ISY1: variants seen among roughly 807,000 people sequenced by gnomAD.
ISY1 encodes ISY1 spliceosome associated protein.
Under a neutral mutation model 54.4 loss-of-function variants are expected in ISY1, and 12 were observed. That is an observed-to-expected ratio of 0.22 (90% CI 0.14 to 0.36). ISY1 has a LOEUF of 0.36. Ranked by LOEUF, ISY1 falls within the 10% of genes least tolerant of loss-of-function variation. The probability of loss-of-function intolerance (pLI) is 1.00; values close to 1 mark genes in which losing one functional copy is unlikely to be tolerated. For missense variants in ISY1, 282 were observed against 342.2 expected (o/e 0.82, Z 1.39); for synonymous variants, 96 against 117.9 (o/e 0.81, Z 1.20).
chr3:129,131,790 TAGG>T (rs376156805), intron 9 of ISY1, among the ~76,000 whole-genome samples: 39 of 152,240 alleles, frequency 2.6e-4, no homozygotes, highest in African/African-American at 9.1e-4. Flanking sequence ...AGGGTTCAGC[TAGG>T]AGAAGAGATG....
Position 129,134,940 on chromosome 3 carries a change from T to G in ISY1, c.433A>C (p.Arg145=), listed in dbSNP as rs1936345949. The G allele has an allele frequency of 1.9e-6, 3 of 1,607,860 alleles. No individual in the cohort carries two copies. Among genetic ancestry groups the G allele is most frequent in the Admixed American group, 1.7e-5 (1 of 59,462 alleles). Residue 145 remains arginine, a synonymous_variant, in exon 8 of 11, where the codon AGA becomes CGA. Transcript: ENST00000393295. The part of the protein sequence containing the change: ...LFEKEPLPPP[R]KTRAELMKAI... ...TTCATGAGCTCAGCACGTGTCTTTC[T>G]GGGAGGAGGAAGAGCTATAAGAAAC...
Position 129,140,454 on chromosome 3 carries a change from C to G in ISY1, c.332G>C (p.Gly111Ala). The stretch of plus-strand genomic sequence containing the variant: ...ACCTCGGTTTCCTGGGACTTCTTTT[C>G]CTTCATGATCCAGCATTTTAGGGCC... ...KVGPKMLDHE[G>A]KEVPGNRGYK... The change falls in exon 7 of 11, where the codon GGA becomes GCA. Residue 111 changes from glycine (G) to alanine (A), a missense_variant. Around this residue, in one of 2 missense-constraint regions of ISY1, gnomAD observed 279 missense variants for 323.6 expected, o/e 0.86. Transcript: ENST00000393295. 6.2e-7 allele frequency: 1 copy of G among 1,612,080 alleles called. No individual in the cohort carries two copies. The highest frequency in any genetic ancestry group is 1.1e-5 in the South Asian group (1 of 90,326).
chr3:129,144,029 T>A (rs1023701211), intron 6 of ISY1: 1 of 225,914 alleles, frequency 4.4e-6, no homozygotes, highest in Non-Finnish European at 9.4e-6. Flanking sequence ...TGAATTTGGG[T>A]GGTGGAACTT....
intron 7 of ISY1, among the ~76,000 whole-genome samples, chr3:129,138,365 G>A (rs1343813728): frequency 6.6e-6 from 1 of 151,914 alleles, no homozygotes; most frequent in African/African-American, 2.4e-5. Context: ...ACTGGTCACG[G>A]TGGCTCACGC....
At chr3:129,139,309 G>C (rs1466150565) in intron 7 of ISY1, among the ~76,000 whole-genome samples, 1 of 152,112 alleles carries the variant, frequency 6.6e-6, no homozygotes, top group Admixed American at 6.5e-5. Flanking sequence ...TTATTTTTAA[G>C]GGATGGTAGT....
intron 10 of ISY1, 32 bp downstream of exon 10, chr3:129,130,518 G>A (rs750491056): frequency 8.1e-6 from 13 of 1,610,516 alleles, no homozygotes; most frequent in East Asian, 4.5e-5. Flanking sequence ...AGAAGCCCCC[G>A]GCGCCCAGGC....
intron 5 of ISY1, among the ~76,000 whole-genome samples, chr3:129,155,878 C>G (rs1937119559): frequency 6.6e-6 from 1 of 152,040 alleles, no homozygotes; most frequent in African/African-American, 2.4e-5. Flanking sequence ...TGCGCTACCA[C>G]GTCCAGCCAA....
At chr3:129,147,000 A>C (rs527720391) in intron 5 of ISY1, among the ~76,000 whole-genome samples, 3 of 152,172 alleles carry the variant, frequency 2.0e-5, no homozygotes, top group African/African-American at 7.2e-5. Context: ...TGGAGACTGC[A>C]GTGAGCTGTA....
intron 5 of ISY1, among the ~76,000 whole-genome samples, chr3:129,154,737 G>A (rs1020632042): frequency 2.8e-5 from 4 of 141,518 alleles, no homozygotes; most frequent in Non-Finnish European, 6.1e-5. Context: ...CTCCCAGGCT[G>A]GAGTGCAGTG....
chr3:129,151,903 AATC>A (rs1380133549), intron 5 of ISY1, among the ~76,000 whole-genome samples: 9 of 152,104 alleles, frequency 5.9e-5, no homozygotes, highest in Non-Finnish European at 1.0e-4. Context: ...TCATGCCTGT[AATC>A]CCAGCTCTTA....
At position 129,128,825 on chromosome 3, in the gene ISY1, G is replaced by A. The variant is rs1373020317; in HGVS notation, c.*1256C>T. Reference sequence around the variant, plus strand: ...ACTCCCATGACCCTGCAGAGGGCAGGAAGCCAGGCACCATCTTGCCCAGGG... The same window carrying A: ...ACTCCCATGACCCTGCAGAGGGCAGAAAGCCAGGCACCATCTTGCCCAGGG... On this transcript the variant is annotated 3_prime_UTR_variant, in exon 11 of 11. Coordinates refer to ENST00000393295, the MANE Select transcript of ISY1 (RefSeq NM_020701.4). The A allele has an allele frequency of 1.3e-5, 2 of 152,538 alleles. No homozygotes were observed. Among genetic ancestry groups the A allele is most frequent in the Admixed American group, 6.5e-5 (1 of 15,284 alleles). The allele number at this position is 152,538 out of a possible 1,614,324, so 9.4% of individuals were successfully genotyped here.
chr3:129,139,291 ACT>A (rs1936535042), intron 7 of ISY1, among the ~76,000 whole-genome samples: 1 of 152,158 alleles, frequency 6.6e-6, no homozygotes, highest in Non-Finnish European at 1.5e-5. Context: ...CAATATTTAA[ACT>A]CTGAATTATT....
intron 5 of ISY1, among the ~76,000 whole-genome samples, chr3:129,149,805 A>AAAAAG (rs1553783043): frequency 2.0e-4 from 12 of 60,030 alleles, no homozygotes; most frequent in African/African-American, 2.3e-4. Flanking sequence ...AAAAAAAAAA[A>AAAAAG]AAAGAAAGAA....
At chr3:129,130,239 C>T in intron 10 of ISY1, 51 bp from the exon 11 acceptor site, 1 of 1,531,198 alleles carries the variant, frequency 6.5e-7, no homozygotes, top group South Asian at 1.3e-5. Flanking sequence ...CCCCTCAACC[C>T]CTGCCAGACC....
intron 3 of ISY1, among the ~76,000 whole-genome samples, chr3:129,157,792 T>G (rs969886076): frequency 1.3e-5 from 2 of 148,496 alleles, no homozygotes; most frequent in African/African-American, 2.5e-5. Flanking sequence ...AGCAGCCAGA[T>G]CCATCACCCT....
intron 5 of ISY1, among the ~76,000 whole-genome samples, chr3:129,149,582 A>T: frequency 1.8e-5 from 1 of 56,234 alleles, no homozygotes; most frequent in Non-Finnish European, 3.5e-5. Context: ...CCCCGTCTCT[A>T]CTAAAAAAAA....
intron 5 of ISY1, among the ~76,000 whole-genome samples, chr3:129,148,327 T>C (rs1374252548): frequency 6.6e-6 from 1 of 152,176 alleles, no homozygotes; most frequent in Non-Finnish European, 1.5e-5. Flanking sequence ...GGATCATAGG[T>C]TAAGTGTATG....
intron 1 of ISY1, 54 bp downstream of exon 1, chr3:129,160,919 C>CCG: frequency 2.3e-6 from 1 of 428,612 alleles, no homozygotes; most frequent in African/African-American, 2.2e-5. Flanking sequence ...GGACTGGGCG[C>CCG]CCCCCCGCCC....
chr3:129,134,457 T>C (rs1182758261), intron 8 of ISY1, among the ~76,000 whole-genome samples: 1 of 152,160 alleles, frequency 6.6e-6, no homozygotes, highest in Non-Finnish European at 1.5e-5. Context: ...ATTCCCAACA[T>C]GTCCACATGA....
Sources: gnomAD v4.1 joint callset for allele counts (sites outside exome capture counted in the v4.1 genomes callset) on GRCh38, gnomAD v4.1.1 for gene constraint, gnomAD v4.1.1 regional missense constraint, MANE v1.5 for transcripts, NCBI Gene and HGNC (gene_info 2026-07-23, HGNC 2026-07-21) for gene names.